The following TAFA2 variants were observed in gnomAD, a reference collection of about 807,000 sequenced individuals.
TAFA2 encodes the protein TAFA chemokine like family member 2.
A neutral mutation model predicts 18.8 loss-of-function variants in TAFA2; 7 were observed. The ratio of observed to expected loss-of-function variants is 0.37; its 90% confidence interval spans 0.21 to 0.70. The LOEUF (loss-of-function observed/expected upper bound fraction) is 0.70, where lower values mean the gene tolerates loss of function less well. Among genes scored for constraint, TAFA2 ranks in the 30% least tolerant of loss-of-function variants. TAFA2 has a pLI of 0.53. For missense variants in TAFA2, 122 were observed against 158.1 expected (o/e 0.77, Z 1.23); for synonymous variants, 60 against 54.2 (o/e 1.11, Z -0.47).
chr12:61,768,455 A>G (rs1869881568), intron 2 of TAFA2, among the ~76,000 whole-genome samples: 1 of 152,114 alleles, frequency 6.6e-6, no homozygotes, highest in Non-Finnish European at 1.5e-5. Flanking sequence ...AGACCCTTTG[A>G]AAAAAGTGGC....
At chr12:62,150,245 C>T (rs2062318260) in intron 1 of TAFA2, among the ~76,000 whole-genome samples, 1 of 152,088 alleles carries the variant, frequency 6.6e-6, no homozygotes, top group African/African-American at 2.4e-5. Context: ...TGGATGAGTA[C>T]CTCTTGTTCT....
rs376192189 is a variant in TAFA2 at position 61,994,860 on chromosome 12, A to G, written c.-1-127434T>C. On this transcript the variant is annotated intron_variant, in intron 1 of 4. Coordinates refer to ENST00000416284, the MANE Select transcript of TAFA2 (RefSeq NM_178539.5). ...ACTCTGAATTTTTATTTAGGGTTTG[A>G]GCCTGGGCCAGCTCTTCTCTCTAAA... is the stretch of plus-strand genomic sequence containing the variant. Among the ~76,000 whole-genome samples, 16 of 152,138 alleles carry G rather than the reference A, an allele frequency of 1.1e-4. No individual in the cohort carries two copies. The East Asian group carries it at 3.1e-3, about 29-fold the overall frequency.
At chr12:61,978,230 C>G (rs1879506144) in intron 1 of TAFA2, among the ~76,000 whole-genome samples, 1 of 151,838 alleles carries the variant, frequency 6.6e-6, no homozygotes, top group Non-Finnish European at 1.5e-5. Context: ...GTAATTTGCT[C>G]AATAAAATTA....
At chr12:61,897,938 G>A (rs1875925569) in intron 1 of TAFA2, among the ~76,000 whole-genome samples, 1 of 152,186 alleles carries the variant, frequency 6.6e-6, no homozygotes, top group Non-Finnish European at 1.5e-5. Context: ...AAGCAAGTTA[G>A]TTACTTCCAA....
At chr12:62,131,885 T>C (rs1329620807) in intron 1 of TAFA2, among the ~76,000 whole-genome samples, 1 of 152,018 alleles carries the variant, frequency 6.6e-6, no homozygotes, top group Non-Finnish European at 1.5e-5. Flanking sequence ...ATTGTTTCTA[T>C]GATGACTGTT....
intron 2 of TAFA2, among the ~76,000 whole-genome samples, chr12:61,792,046 TTG>T (rs1871003544): frequency 6.6e-6 from 1 of 151,618 alleles, no homozygotes; most frequent in African/African-American, 2.4e-5. Flanking sequence ...AAAAAATAAT[TTG>T]TTTTCATTTG....
At chr12:61,960,268 GGT>G (rs1291084608) in intron 1 of TAFA2, among the ~76,000 whole-genome samples, 1 of 151,212 alleles carries the variant, frequency 6.6e-6, no homozygotes, top group Non-Finnish European at 1.5e-5. Context: ...AATATCGCTG[GGT>G]TCAGTGGTCC....
At chr12:62,234,669 G>C in intron 1 of TAFA2, 1 of 943,406 alleles carries the variant, frequency 1.1e-6, no homozygotes, top group East Asian at 2.4e-5. Flanking sequence ...TTTGGTATAA[G>C]CTTTTCCGCA....
At chr12:61,795,516 T>C (rs1441447504) in intron 2 of TAFA2, among the ~76,000 whole-genome samples, 1 of 151,252 alleles carries the variant, frequency 6.6e-6, no homozygotes, top group Non-Finnish European at 1.5e-5. Context: ...CACTCATAGG[T>C]GGGAACTGAA....
intron 1 of TAFA2, among the ~76,000 whole-genome samples, chr12:61,965,995 T>C (rs1044572030): frequency 9.2e-5 from 14 of 151,996 alleles, no homozygotes; most frequent in African/African-American, 2.9e-4. Context: ...TTTCCACCTT[T>C]GGGGTATTTT....
At chr12:62,168,158 G>GA (rs1337921314) in intron 1 of TAFA2, among the ~76,000 whole-genome samples, 1 of 152,086 alleles carries the variant, frequency 6.6e-6, no homozygotes, top group Non-Finnish European at 1.5e-5. Context: ...CTGACAAGGA[G>GA]AAATTTCTCT....
chr12:62,144,827 C>T (rs1300872443), intron 1 of TAFA2, among the ~76,000 whole-genome samples: 1 of 152,122 alleles, frequency 6.6e-6, no homozygotes, highest in African/African-American at 2.4e-5. Flanking sequence ...TTGAGAAAGC[C>T]TTATATCCCA....
At chr12:62,138,247 G>A (rs1402307046) in intron 1 of TAFA2, among the ~76,000 whole-genome samples, 1 of 152,084 alleles carries the variant, frequency 6.6e-6, no homozygotes, top group East Asian at 1.9e-4. Context: ...TTGTACCACT[G>A]CACTCCTGCC....
intron 1 of TAFA2, among the ~76,000 whole-genome samples, chr12:62,134,369 T>G (rs1168133812): frequency 6.6e-6 from 1 of 151,838 alleles, no homozygotes. Flanking sequence ...CCAGAGCATT[T>G]GCACATCCTC....
chr12:61,807,557 C>T (rs1871672649), intron 2 of TAFA2, among the ~76,000 whole-genome samples: 1 of 151,288 alleles, frequency 6.6e-6, no homozygotes, highest in Admixed American at 6.6e-5. Flanking sequence ...CACCATCCTC[C>T]ATACCCTAGA....
chr12:61,985,253 T>C (rs1404762025), intron 1 of TAFA2, among the ~76,000 whole-genome samples: 1 of 152,172 alleles, frequency 6.6e-6, no homozygotes, highest in Non-Finnish European at 1.5e-5. Context: ...GGCCTAAAGA[T>C]TTTTGAAAAA....
chr12:61,714,668 G>A (rs1448683811), intron 4 of TAFA2, among the ~76,000 whole-genome samples: 1 of 152,130 alleles, frequency 6.6e-6, no homozygotes, highest in East Asian at 1.9e-4. Context: ...TATTTATACA[G>A]TTTCCATTTT....
chr12:61,761,903 C>G (rs1317829969), intron 2 of TAFA2, among the ~76,000 whole-genome samples: 1 of 151,930 alleles, frequency 6.6e-6, no homozygotes, highest in Non-Finnish European at 1.5e-5. Flanking sequence ...TGGGGCAGTT[C>G]CTAATGGATT....
At chr12:61,807,144 T>C (rs776450362) in intron 2 of TAFA2, among the ~76,000 whole-genome samples, 2 of 151,074 alleles carry the variant, frequency 1.3e-5, no homozygotes, top group Non-Finnish European at 2.9e-5. Context: ...GGCCAGGAGG[T>C]CTAGGAGGAA....
Sources: allele counts gnomAD v4.1 joint callset (sites outside exome capture counted in the v4.1 genomes callset), GRCh38; gene constraint gnomAD v4.1.1; transcripts MANE v1.5; gene names NCBI Gene and HGNC (gene_info 2026-07-23, HGNC 2026-07-21).